The following POT1 variants were observed in gnomAD, a reference collection of about 807,000 sequenced individuals.
The protein encoded by POT1 is protection of telomeres 1.
POT1 carries 47 observed loss-of-function variants against 78.5 expected under a neutral mutation model. The observed-to-expected ratio is 0.60, with a 90% CI of 0.47 to 0.76. The LOEUF is 0.76. Among genes scored for constraint, POT1 ranks in the 30% least tolerant of loss-of-function variants. POT1 has a pLI of 0.00. For missense variants in POT1, 646 were observed against 749.9 expected (o/e 0.86, Z 1.62); for synonymous variants, 259 against 260.7 (o/e 0.99, Z 0.06).
At chr7:124,885,760 C>T (rs1021924182) in intron 6 of POT1, among the ~76,000 whole-genome samples, 9 of 146,150 alleles carry the variant, frequency 6.2e-5, no homozygotes, top group South Asian at 4.5e-4. Flanking sequence ...AGCAAGACTC[C>T]GTCTCAAAAA....
chr7:124,909,463 G>T (rs1219278685), intron 3 of POT1, among the ~76,000 whole-genome samples: 3 of 151,820 alleles, frequency 2.0e-5, no homozygotes, highest in Admixed American at 6.6e-5. Context: ...TAAGCAAAAA[G>T]TTTTACCTTT....
At chr7:124,907,107 T>C (rs769985375) in intron 3 of POT1, among the ~76,000 whole-genome samples, 4 of 152,086 alleles carry the variant, frequency 2.6e-5, no homozygotes, top group Non-Finnish European at 4.4e-5. Flanking sequence ...AAAAATACTA[T>C]GCTACAAAAA....
At chr7:124,832,963 G>A (rs1278573013) in intron 15 of POT1, among the ~76,000 whole-genome samples, 1 of 152,002 alleles carries the variant, frequency 6.6e-6, no homozygotes, top group Non-Finnish European at 1.5e-5. Context: ...GTACTGGCAA[G>A]GCAAAATAGA....
At chr7:124,926,451 A>G (rs1797276452) in intron 2 of POT1, among the ~76,000 whole-genome samples, 1 of 152,134 alleles carries the variant, frequency 6.6e-6, no homozygotes, top group South Asian at 2.1e-4. Context: ...ATTGGGGTGC[A>G]AAGAAAAAGG....
intron 16 of POT1, 128 bp downstream of exon 16, chr7:124,829,126 T>A (rs1427215412): frequency 2.5e-6 from 2 of 785,940 alleles, no homozygotes; most frequent in African/African-American, 3.4e-5. Flanking sequence ...AGTCTGTTTA[T>A]CTTACAGAGG....
At chr7:124,861,068 C>T (rs1433545919) in intron 8 of POT1, among the ~76,000 whole-genome samples, 2 of 152,150 alleles carry the variant, frequency 1.3e-5, no homozygotes, top group Non-Finnish European at 2.9e-5. Flanking sequence ...AATAAACATA[C>T]GTGTGCATGT....
intron 3 of POT1, among the ~76,000 whole-genome samples, chr7:124,912,390 G>A (rs370890723): frequency 3.7e-4 from 57 of 152,130 alleles, no homozygotes; most frequent in Admixed American, 1.4e-3. Flanking sequence ...GACTGTTCTA[G>A]AATACTCTTA....
chr7:124,825,897 A>C (rs2286173), intron 17 of POT1, among the ~76,000 whole-genome samples: 60,589 of 151,932 alleles, frequency 0.4, 12,201 homozygotes, highest in East Asian at 0.49. Context: ...CTCAACTATA[A>C]CTCAGATCTT....
chr7:124,869,550 T>A (rs1169479896), intron 7 of POT1, among the ~76,000 whole-genome samples: 1 of 152,148 alleles, frequency 6.6e-6, no homozygotes, highest in Non-Finnish European at 1.5e-5. Context: ...AATAAGTATG[T>A]ATTACATTTC....
At chr7:124,899,302 C>T (rs1464284908) in intron 3 of POT1, among the ~76,000 whole-genome samples, 7 of 152,094 alleles carry the variant, frequency 4.6e-5, no homozygotes, top group Admixed American at 2.6e-4. Context: ...AACGAAAGAC[C>T]TTATTTTGCC....
chr7:124,918,128 T>C lies in POT1; in HGVS notation c.-226-2482A>G, dbSNP rs1042379030. ...CATGGCCCAGCTCCTGCAGCTTGGA[T>C]GCTGATTACTTCCAAATGCCATCCA... On this transcript the variant is annotated intron_variant, in intron 2 of 18. Coordinates refer to ENST00000357628, the MANE Select transcript of POT1 (RefSeq NM_015450.3). Among the ~76,000 whole-genome samples, 4 of 152,222 alleles carry C rather than the reference T, an allele frequency of 2.6e-5. No individual in the cohort carries two copies. In the East Asian group the frequency reaches 5.8e-4, roughly 22 times the overall value.
chr7:124,901,669 A>C (rs1796623417), intron 3 of POT1, among the ~76,000 whole-genome samples: 2 of 152,222 alleles, frequency 1.3e-5, no homozygotes, highest in Admixed American at 1.3e-4. Context: ...AAAGCTGGAC[A>C]GAGAATAACT....
chr7:124,887,456 C>T (rs569935576), intron 6 of POT1, among the ~76,000 whole-genome samples: 1 of 152,016 alleles, frequency 6.6e-6, no homozygotes, highest in Non-Finnish European at 1.5e-5. Flanking sequence ...ATGCTGACCA[C>T]AAGAAAAAGA....
At chr7:124,875,973 G>A (rs116327526) in intron 6 of POT1, among the ~76,000 whole-genome samples, 2,600 of 152,184 alleles carry the variant, frequency 0.017, 72 homozygotes, top group African/African-American at 0.059. Flanking sequence ...TAAAGGTAGT[G>A]GAAAGAATAG....
At position 124,841,066 on chromosome 7, in the gene POT1, T is replaced by G. The variant is rs1479258884; in HGVS notation, c.1276A>C (p.Thr426Pro). The G allele has an allele frequency of 6.2e-7, 1 of 1,612,720 alleles. No individual in the cohort carries two copies. The highest frequency in any genetic ancestry group is 1.7e-4 in the Middle Eastern group (1 of 6,054). ...ACTTTTCGTCCTTTTTGATTTTTAG[T>G]GGTCCAGATTTTTGAATCATATAAT... ...TSLYDSKIWT[T>P]KNQKGRKVAV... Residue 426 changes from threonine to proline, a missense_variant, in exon 14 of 19, where the codon ACT (threonine) becomes CCT (proline). Thr to Pro is a conservative substitution (Grantham distance 38). Coordinates refer to ENST00000357628, the MANE Select transcript of POT1 (RefSeq NM_015450.3).
Position 124,823,913 on chromosome 7 carries a change from A to G in POT1, c.*49T>C. 2 of 1,201,862 alleles carry G rather than the reference A, an allele frequency of 1.7e-6. No individual in the cohort carries two copies. The highest frequency in any genetic ancestry group is 1.3e-5 in the South Asian group (1 of 78,810). 74.4% of individuals were successfully genotyped at this position (1,201,862 alleles called of 1,614,324 possible). A position where few individuals can be genotyped will look rare whatever the true frequency, so the allele number is the denominator to read the frequency against. ...TCAGGTCAGGAAAAGAAGCTCAAAC[A>G]GGGAAGGTGAGTGGCAACATTTTAT... On this transcript the variant is annotated 3_prime_UTR_variant, in exon 19 of 19. Transcript: ENST00000357628.
Position 124,851,872 on chromosome 7 carries a change from T to G in POT1, c.949A>C (p.Ser317Arg), listed in dbSNP as rs1554423487. 1.3e-6 allele frequency: 2 copies of G among 1,596,574 alleles called. No homozygotes were observed. The highest frequency in any genetic ancestry group is 1.7e-6 in the Non-Finnish European group (2 of 1,164,496). The stretch of plus-strand genomic sequence containing the variant: ...TGTCAATGTTAAAGATTATCCTTAC[T>G]TGGAAAGCTGTCGTCAGGTTCTGAT... Reference protein sequence around the residue: ...CQSEPDDSFPSSGSVSLYEVE... With the variant: ...CQSEPDDSFPRSGSVSLYEVE... The change falls in exon 11 of 19, where the codon AGC becomes CGC. Residue 317 changes from serine (S) to arginine (R), a missense_variant and splice_region_variant. Around this residue, in one of 2 missense-constraint regions of POT1, gnomAD observed 394 missense variants for 408.4 expected, o/e 0.96. Coordinates refer to ENST00000357628, the MANE Select transcript of POT1 (RefSeq NM_015450.3).
At chr7:124,851,774 A>T (rs1210738446) in intron 11 of POT1, 98 bp downstream of exon 11, 2 of 885,492 alleles carry the variant, frequency 2.3e-6, no homozygotes, top group Non-Finnish European at 3.6e-6. Flanking sequence ...TGAAATTATT[A>T]ATAAGAGAGA....
At chr7:124,875,951 C>A (rs1795980835) in intron 6 of POT1, among the ~76,000 whole-genome samples, 1 of 151,888 alleles carries the variant, frequency 6.6e-6, no homozygotes, top group Non-Finnish European at 1.5e-5. Flanking sequence ...ATGCAGTAGG[C>A]AAATGTATAA....
Sources: allele counts gnomAD v4.1 joint callset (sites outside exome capture counted in the v4.1 genomes callset), GRCh38; gene constraint gnomAD v4.1.1; regional missense constraint gnomAD v4.1.1; transcripts MANE v1.5; gene names NCBI Gene and HGNC (gene_info 2026-07-23, HGNC 2026-07-21).